The following STXBP6 variants were observed in gnomAD, a reference collection of about 807,000 sequenced individuals.
STXBP6 encodes the protein syntaxin binding protein 6, also known as syntaxin-binding protein 6.
Under a neutral mutation model 26.9 loss-of-function variants are expected in STXBP6, and 21 were observed. That is an observed-to-expected ratio of 0.78 (90% CI 0.55 to 1.12). STXBP6 has a LOEUF of 1.12. Among genes scored for constraint, STXBP6 ranks in the 50% most tolerant of loss-of-function variants. STXBP6 has a pLI of 0.00. For missense variants in STXBP6, 232 were observed against 257.9 expected, an observed-to-expected ratio of 0.90 and a Z score of 0.69; for synonymous variants, 97 against 92.6, an observed-to-expected ratio of 1.05 and a Z score of -0.27.
At chr14:24,984,089 G>A (rs764718158) in intron 1 of STXBP6, among the ~76,000 whole-genome samples, 10 of 152,164 alleles carry the variant, frequency 6.6e-5, no homozygotes, top group African/African-American at 2.2e-4. Context: ...AAAATTAGCC[G>A]GGCGTGGTGG....
At chr14:24,945,507 C>T (rs1294789480) in intron 2 of STXBP6, among the ~76,000 whole-genome samples, 1 of 151,938 alleles carries the variant, frequency 6.6e-6, no homozygotes, top group Non-Finnish European at 1.5e-5. Flanking sequence ...GAGTTTGAGG[C>T]TGGAGTAAGC....
In STXBP6 at chr14:24,812,529, G is replaced by A. The variant is rs906553023; in HGVS notation, c.*180C>T. ...AGCATTTATTAGCAAGATCATTAGG[G>A]AAATGTAAAAATGCAACACCCTTTC... is the stretch of plus-strand genomic sequence containing the variant. On this transcript the variant is annotated 3_prime_UTR_variant, in exon 6 of 6. Transcript: ENST00000323944. 7 of 618,648 alleles carry A rather than the reference G, an allele frequency of 1.1e-5. No homozygotes were observed. Among genetic ancestry groups the A allele is most frequent in the African/African-American group, 1.1e-4 (6 of 53,664 alleles). 38.3% of individuals were successfully genotyped at this position (618,648 alleles called of 1,614,324 possible).
intron 1 of STXBP6, among the ~76,000 whole-genome samples, chr14:25,020,572 TCTCTGAATGTC>T (rs1371574172): frequency 6.6e-6 from 1 of 152,164 alleles, no homozygotes; most frequent in African/African-American, 2.4e-5. Context: ...TTCTGAAATG[TCTCTGAATGTC>T]CTCACATTCA....
At chr14:25,021,711 T>C (rs902368724) in intron 1 of STXBP6, among the ~76,000 whole-genome samples, 3 of 152,184 alleles carry the variant, frequency 2.0e-5, no homozygotes, top group Non-Finnish European at 4.4e-5. Flanking sequence ...CCCTTCTCCT[T>C]ACAGACTTGT....
chr14:24,980,290 T>TAA (rs1476366652), intron 1 of STXBP6, among the ~76,000 whole-genome samples: 1 of 152,218 alleles, frequency 6.6e-6, no homozygotes, highest in Non-Finnish European at 1.5e-5. Flanking sequence ...TTAGCCCCTT[T>TAA]AAAAGTGTTT....
intron 2 of STXBP6, among the ~76,000 whole-genome samples, chr14:24,917,214 G>T (rs572079363): frequency 1.3e-5 from 2 of 152,048 alleles, no homozygotes; most frequent in South Asian, 4.2e-4. Context: ...GCACAATTTT[G>T]TAAAAAAATC....
chr14:25,032,175 C>G (rs1470919362), intron 1 of STXBP6, among the ~76,000 whole-genome samples: 1 of 152,144 alleles, frequency 6.6e-6, no homozygotes, highest in Non-Finnish European at 1.5e-5. Context: ...TCTCCAACAC[C>G]GCGAAGGCAT....
intron 2 of STXBP6, among the ~76,000 whole-genome samples, chr14:24,966,391 A>G (rs1272550091): frequency 1.0e-4 from 3 of 28,940 alleles, no homozygotes; most frequent in South Asian, 9.5e-4. Context: ...CTGTCTTGGA[A>G]AAAAAAAAAA....
rs140322494 is a variant in STXBP6 at position 24,819,102 on chromosome 14, G to A, written c.544C>T (p.Arg182Ter). 7 of 1,613,830 alleles carry A rather than the reference G, an allele frequency of 4.3e-6. No individual in the cohort carries two copies. The highest frequency in any genetic ancestry group is 2.7e-5 in the African/African-American group (2 of 74,900). ...ALNERGERLGRAEEKTEDLKN... is the reference protein window; with the variant it reads ...ALNERGERLG The stretch of plus-strand genomic sequence containing the variant: ...AGGTCTTCTGTCTTCTCCTCTGCTC[G>A]GCCTAATCGCTCTCCACGCTCATTC... Residue 182 changes from arginine to a stop codon, truncating the protein, a stop_gained, in exon 5 of 6, where the codon CGA becomes TGA. Coordinates refer to ENST00000323944, the MANE Select transcript of STXBP6 (RefSeq NM_001394410.1). LOFTEE classifies it high-confidence loss of function.
At chr14:24,826,266 C>A (rs561320129) in intron 4 of STXBP6, among the ~76,000 whole-genome samples, 1 of 152,250 alleles carries the variant, frequency 6.6e-6, no homozygotes, top group Admixed American at 6.5e-5. Context: ...CCCTGTTGTG[C>A]TTCGGTTTCC....
At chr14:24,871,233 C>A (rs1023743540) in intron 2 of STXBP6, among the ~76,000 whole-genome samples, 3 of 152,116 alleles carry the variant, frequency 2.0e-5, no homozygotes, top group African/African-American at 2.4e-5. Context: ...TACTTCTATC[C>A]CTTCTCCAGC....
intron 5 of STXBP6, chr14:24,816,518 A>G (rs1321735503): frequency 6.6e-6 from 1 of 152,066 alleles, no homozygotes; most frequent in Non-Finnish European, 1.5e-5. Flanking sequence ...TCTCATACAC[A>G]TTAACAGACA....
chr14:25,005,687 C>G (rs1168418602), intron 1 of STXBP6, among the ~76,000 whole-genome samples: 1 of 151,748 alleles, frequency 6.6e-6, no homozygotes, highest in Non-Finnish European at 1.5e-5. Context: ...GGGATTCGAA[C>G]TCTCTAAAAG....
At chr14:24,891,908 C>T (rs183480335) in intron 2 of STXBP6, among the ~76,000 whole-genome samples, 80 of 152,322 alleles carry the variant, frequency 5.3e-4, no homozygotes, top group African/African-American at 1.9e-3. Context: ...CCTGCTCTTT[C>T]ACTTTTTGTT....
At chr14:24,984,433 T>C (rs2074282315) in intron 1 of STXBP6, among the ~76,000 whole-genome samples, 1 of 152,144 alleles carries the variant, frequency 6.6e-6, no homozygotes, top group Non-Finnish European at 1.5e-5. Context: ...AATGTGACAC[T>C]CTGAGGAGCC....
chr14:25,024,285 G>T (rs1410877687), intron 1 of STXBP6, among the ~76,000 whole-genome samples: 3 of 151,890 alleles, frequency 2.0e-5, no homozygotes, highest in African/African-American at 7.3e-5. Context: ...CTCCAGCCTG[G>T]GTGACAGAGT....
At chr14:24,917,419 T>G (rs1192313554) in intron 2 of STXBP6, among the ~76,000 whole-genome samples, 1 of 152,086 alleles carries the variant, frequency 6.6e-6, no homozygotes, top group Non-Finnish European at 1.5e-5. Context: ...GCTACAAACA[T>G]GGAGCACAGC....
intron 2 of STXBP6, among the ~76,000 whole-genome samples, chr14:24,866,108 A>G (rs1401368405): frequency 6.6e-6 from 1 of 152,152 alleles, no homozygotes; most frequent in Non-Finnish European, 1.5e-5. Context: ...GTGGACTTTG[A>G]GTAAAGCACA....
intron 1 of STXBP6, among the ~76,000 whole-genome samples, chr14:25,000,097 C>T (rs2074717733): frequency 6.6e-6 from 1 of 150,932 alleles, no homozygotes; most frequent in Non-Finnish European, 1.5e-5. Flanking sequence ...GAGTCTTGCT[C>T]TACCACCCAG....
Sources: allele counts gnomAD v4.1 joint callset (sites outside exome capture counted in the v4.1 genomes callset), GRCh38; gene constraint gnomAD v4.1.1; transcripts MANE v1.5; gene names NCBI Gene and HGNC (gene_info 2026-07-23, HGNC 2026-07-21).